FER: variants seen among roughly 807,000 people sequenced by gnomAD.
The protein encoded by FER is FER tyrosine kinase.
A neutral mutation model predicts 111.0 loss-of-function variants in FER; 63 were observed. The ratio of observed to expected loss-of-function variants is 0.57; its 90% CI spans 0.46 to 0.70. The LOEUF (loss-of-function observed/expected upper bound fraction) is 0.70. Ranked by LOEUF, FER falls within the 30% of genes least tolerant of loss-of-function variation. The pLI is 0.00. For missense variants in FER, 914 were observed against 954.0 expected (o/e 0.96, Z 0.55); for synonymous variants, 327 against 313.9 (o/e 1.04, Z -0.44).
At chr5:108,788,773 A>G (rs950103756) in intron 2 of FER, among the ~76,000 whole-genome samples, 10 of 152,150 alleles carry the variant, frequency 6.6e-5, no homozygotes, top group African/African-American at 2.4e-4. Flanking sequence ...TTTTACCTAA[A>G]GGTAAAACTT....
At chr5:108,867,359 T>C (rs1764168970) in intron 5 of FER, among the ~76,000 whole-genome samples, 1 of 152,160 alleles carries the variant, frequency 6.6e-6, no homozygotes, top group Non-Finnish European at 1.5e-5. Context: ...CTCCTCTGAC[T>C]ACCCTTGTCT....
At chr5:109,011,443 C>T (rs1766255870) in intron 13 of FER, among the ~76,000 whole-genome samples, 1 of 152,148 alleles carries the variant, frequency 6.6e-6, no homozygotes, top group Non-Finnish European at 1.5e-5. Context: ...GAATTTGTTT[C>T]TTGTCTCGCT....
chr5:108,956,658 C>G (rs1381778009), intron 12 of FER, among the ~76,000 whole-genome samples: 2 of 151,548 alleles, frequency 1.3e-5, no homozygotes, highest in Non-Finnish European at 3.0e-5. Context: ...AAGATGAGAA[C>G]ATTTATTTTT....
intron 13 of FER, among the ~76,000 whole-genome samples, chr5:109,017,656 G>A (rs958483301): frequency 6.6e-6 from 1 of 151,788 alleles, no homozygotes; most frequent in Non-Finnish European, 1.5e-5. Context: ...TTATTTTGTT[G>A]ACTAGTTTTG....
At chr5:108,779,631 A>G (rs1753835844) in intron 2 of FER, among the ~76,000 whole-genome samples, 2 of 152,224 alleles carry the variant, frequency 1.3e-5, no homozygotes, top group Non-Finnish European at 2.9e-5. Flanking sequence ...ACTTTTGTGT[A>G]TTAGCCTTGA....
At chr5:108,844,261 T>G (rs1479626122) in intron 5 of FER, among the ~76,000 whole-genome samples, 1 of 152,178 alleles carries the variant, frequency 6.6e-6, no homozygotes, top group Non-Finnish European at 1.5e-5. Flanking sequence ...ATATATTTTC[T>G]AAGAACTGTA....
chr5:108,851,112 T>G (rs79840901), intron 5 of FER, among the ~76,000 whole-genome samples: 33,972 of 152,146 alleles, frequency 0.22, 3,967 homozygotes, highest in African/African-American at 0.28. Flanking sequence ...TTGTTCATGT[T>G]GTAGATAATA....
intron 13 of FER, among the ~76,000 whole-genome samples, chr5:109,016,919 A>G (rs116095014): frequency 0.015 from 2,224 of 152,038 alleles, 41 homozygotes; most frequent in African/African-American, 0.051. Flanking sequence ...TATAAGAGGA[A>G]GAGAGACCTA....
At chr5:108,760,163 T>TG (rs1410305233) in intron 1 of FER, among the ~76,000 whole-genome samples, 6 of 151,134 alleles carry the variant, frequency 4.0e-5, no homozygotes, top group Non-Finnish European at 8.8e-5. Flanking sequence ...CTTCTGTTTT[T>TG]TTTTTTTTTT....
At chr5:109,152,207 C>G (rs371572563) in intron 17 of FER, among the ~76,000 whole-genome samples, 1 of 151,984 alleles carries the variant, frequency 6.6e-6, no homozygotes, top group Non-Finnish European at 1.5e-5. Context: ...AAGTCAGTTC[C>G]TGAGAGTTAT....
At chr5:108,914,911 G>C (rs1458230032) in intron 10 of FER, among the ~76,000 whole-genome samples, 1 of 152,174 alleles carries the variant, frequency 6.6e-6, no homozygotes, top group Non-Finnish European at 1.5e-5. Flanking sequence ...TTGGAAAGAA[G>C]AACTCATTTC....
Position 108,755,349 on chromosome 5 carries a change from G to A in FER, c.-206+7349G>A, listed in dbSNP as rs137984922. On this transcript the variant is annotated intron_variant, in intron 1 of 19. Coordinates refer to ENST00000281092, the MANE Select transcript of FER (RefSeq NM_005246.4). ...TTTCTCCTTGGAGTTGAACACTTCT[G>A]TAGTATGTGTCCTTTCTCTGGATGT... Among the ~76,000 whole-genome samples, 329 of 152,310 alleles carry A rather than the reference G, an allele frequency of 2.2e-3. 1 individual carries two copies. Among genetic ancestry groups the A allele is most frequent in the South Asian group, 0.021 (101 of 4,828 alleles).
chr5:108,879,699 A>ATACATATATAT (rs1165401708), intron 8 of FER, among the ~76,000 whole-genome samples: 1 of 93,526 alleles, frequency 1.1e-5, no homozygotes, highest in African/African-American at 5.9e-5. Context: ...AGATTAAAAA[A>ATACATATATAT]AAATATATAT....
At chr5:109,012,814 C>G (rs34401335) in intron 13 of FER, among the ~76,000 whole-genome samples, 1,521 of 151,988 alleles carry the variant, frequency 0.01, 22 homozygotes, top group African/African-American at 0.035. Flanking sequence ...AAATCAATGA[C>G]TATAAATACT....
At chr5:108,964,128 T>C (rs951672284) in intron 13 of FER, among the ~76,000 whole-genome samples, 2 of 152,194 alleles carry the variant, frequency 1.3e-5, no homozygotes, top group Non-Finnish European at 2.9e-5. Context: ...TCAGTATTCA[T>C]TTAGTAAATA....
chr5:109,125,732 A>G (rs1002739003), intron 17 of FER, among the ~76,000 whole-genome samples: 9 of 152,224 alleles, frequency 5.9e-5, no homozygotes, highest in African/African-American at 2.2e-4. Flanking sequence ...CTCTCTTCAT[A>G]TAGTCCTTCT....
chr5:109,095,325 T>C (rs1455186863), intron 16 of FER, among the ~76,000 whole-genome samples: 1 of 152,084 alleles, frequency 6.6e-6, no homozygotes, highest in Admixed American at 6.6e-5. Context: ...TTTTAGTATT[T>C]AATCTTCCTC....
intron 13 of FER, among the ~76,000 whole-genome samples, chr5:108,994,666 T>C (rs1476609174): frequency 6.6e-6 from 1 of 152,224 alleles, no homozygotes; most frequent in Non-Finnish European, 1.5e-5. Flanking sequence ...GGTAGTTTCA[T>C]GTGAATAGCA....
chr5:108,870,430 G>T (rs1021643717), intron 6 of FER, among the ~76,000 whole-genome samples: 1 of 152,082 alleles, frequency 6.6e-6, no homozygotes, highest in Non-Finnish European at 1.5e-5. Flanking sequence ...CAGAGATACT[G>T]ACTAAATCTG....
Sources: allele counts gnomAD v4.1 joint callset (sites outside exome capture counted in the v4.1 genomes callset), GRCh38; gene constraint gnomAD v4.1.1; transcripts MANE v1.5; gene names NCBI Gene and HGNC (gene_info 2026-07-23, HGNC 2026-07-21).